GREB1L: variants seen among roughly 807,000 people sequenced by gnomAD.
GREB1L encodes the protein GREB1 like retinoic acid receptor coactivator, also known as GREB1-like protein.
A neutral mutation model predicts 200.8 loss-of-function variants in GREB1L; 17 were observed. That is an observed-to-expected ratio of 0.08 (90% confidence interval 0.06 to 0.13). The LOEUF (loss-of-function observed/expected upper bound fraction) is 0.13. Among genes scored for constraint, GREB1L ranks in the 10% least tolerant of loss-of-function variants. The pLI, the probability that GREB1L is intolerant of heterozygous loss-of-function variation, is 1.00. For missense variants in GREB1L, 1,657 were observed against 2,367.7 expected, an observed-to-expected ratio of 0.70 and a Z score of 6.23; for synonymous variants, 789 against 893.0, an observed-to-expected ratio of 0.88 and a Z score of 2.08.
chr18:21,483,445 A>C (rs539171628), intron 17 of GREB1L, among the ~76,000 whole-genome samples: 1 of 152,314 alleles, frequency 6.6e-6, no homozygotes, highest in African/African-American at 2.4e-5. Context: ...GAAGGAAATA[A>C]GCAAAGGCTT....
At chr18:21,244,102 G>A (rs2037555471) in intron 1 of GREB1L, among the ~76,000 whole-genome samples, 1 of 152,162 alleles carries the variant, frequency 6.6e-6, no homozygotes, top group Non-Finnish European at 1.5e-5. Context: ...GCCAAATGTG[G>A]ACAATTATTA....
chr18:21,307,746 C>G (rs555499687), intron 1 of GREB1L, among the ~76,000 whole-genome samples: 12 of 152,232 alleles, frequency 7.9e-5, no homozygotes, highest in African/African-American at 2.9e-4. Flanking sequence ...CAGCAGGAGA[C>G]TCGGGGGCGG....
At chr18:21,506,223 G>A (rs1369776706) in intron 25 of GREB1L, among the ~76,000 whole-genome samples, 3 of 152,122 alleles carry the variant, frequency 2.0e-5, no homozygotes, top group South Asian at 4.2e-4. Context: ...GTGAAACCCC[G>A]TCTCTACCAA....
intron 2 of GREB1L, among the ~76,000 whole-genome samples, chr18:21,375,764 T>C (rs1000148098): frequency 1.3e-5 from 2 of 152,162 alleles, no homozygotes; most frequent in African/African-American, 2.4e-5. Context: ...GCCTCAGTTA[T>C]CTTGAAAATG....
intron 1 of GREB1L, among the ~76,000 whole-genome samples, chr18:21,263,235 A>G (rs1436401114): frequency 6.6e-6 from 1 of 152,200 alleles, no homozygotes; most frequent in East Asian, 1.9e-4. Context: ...TCCATTGATG[A>G]CTTTGTGCTG....
At chr18:21,356,779 CA>C (rs1480516537) in intron 1 of GREB1L, among the ~76,000 whole-genome samples, 2 of 152,198 alleles carry the variant, frequency 1.3e-5, no homozygotes, top group African/African-American at 4.8e-5. Flanking sequence ...TACCAATTTA[CA>C]TTCTCACCAA....
intron 1 of GREB1L, among the ~76,000 whole-genome samples, chr18:21,290,923 A>T (rs1472003167): frequency 6.6e-6 from 1 of 151,996 alleles, no homozygotes; most frequent in Admixed American, 6.6e-5. Context: ...GTGAGCTGAC[A>T]TTAGTAGCTG....
intron 7 of GREB1L, among the ~76,000 whole-genome samples, chr18:21,425,761 T>C (rs920841165): frequency 6.6e-6 from 1 of 152,200 alleles, no homozygotes; most frequent in Non-Finnish European, 1.5e-5. Flanking sequence ...TTACAAGAGT[T>C]TTTAAAATAT....
At position 21,525,454 on chromosome 18, in the gene GREB1L, TTTG is replaced by T. The variant is rs2037669532; in HGVS notation, c.*2636_*2638del. 1 of 152,182 alleles carries T rather than the reference TTTG, an allele frequency of 6.6e-6. No homozygotes were observed. The highest frequency in any genetic ancestry group is 2.4e-5 in the African/African-American group (1 of 41,430). The allele number at this position is 152,182 out of a possible 1,614,324, so 9.4% of individuals were successfully genotyped here. A position where few individuals can be genotyped will look rare whatever the true frequency, so the allele number is the denominator to read the frequency against. ...TTTTTCTTTATAGTTTTCTGGCATGTTTGTTAAGAAAACAAGCTCCCTGACTCT... is the reference window on the plus strand; with the variant it reads ...TTTTTCTTTATAGTTTTCTGGCATGTTTAAGAAAACAAGCTCCCTGACTCT... On this transcript the variant is annotated 3_prime_UTR_variant, in exon 33 of 33. Coordinates refer to ENST00000424526, the MANE Select transcript of GREB1L (RefSeq NM_001142966.3).
chr18:21,516,875 GA>G, intron 30 of GREB1L, 121 bp downstream of exon 30: 1 of 693,594 alleles, frequency 1.4e-6, no homozygotes, highest in Non-Finnish European at 2.2e-6. Flanking sequence ...TAACACAAGG[GA>G]GTTTTTTTTT....
chr18:21,260,984 G>A (rs140426383), intron 1 of GREB1L, among the ~76,000 whole-genome samples: 1 of 151,996 alleles, frequency 6.6e-6, no homozygotes, highest in Non-Finnish European at 1.5e-5. Flanking sequence ...AAAGTTTCTA[G>A]TATGATACTG....
At chr18:21,488,130 C>T (rs745733293) in intron 18 of GREB1L, among the ~76,000 whole-genome samples, 4 of 152,000 alleles carry the variant, frequency 2.6e-5, no homozygotes, top group African/African-American at 4.8e-5. Flanking sequence ...CATGGAGAAA[C>T]CCTGTCTCTA....
At chr18:21,458,205 A>T (rs1417808225) in intron 15 of GREB1L, among the ~76,000 whole-genome samples, 1 of 152,054 alleles carries the variant, frequency 6.6e-6, no homozygotes, top group East Asian at 1.9e-4. Context: ...TTCCGACCTC[A>T]GGTGATCCAC....
intron 1 of GREB1L, among the ~76,000 whole-genome samples, chr18:21,293,502 C>G (rs1324583933): frequency 6.6e-6 from 1 of 152,204 alleles, no homozygotes; most frequent in Non-Finnish European, 1.5e-5. Flanking sequence ...AGGAGTTGGA[C>G]TTCTTAACCA....
At chr18:21,356,284 A>G (rs1226934429) in intron 1 of GREB1L, among the ~76,000 whole-genome samples, 3 of 151,958 alleles carry the variant, frequency 2.0e-5, no homozygotes, top group African/African-American at 7.3e-5. Flanking sequence ...CACCCAGCCT[A>G]TTCCTTCTAA....
chr18:21,279,047 A>AT (rs1466411600), intron 1 of GREB1L, among the ~76,000 whole-genome samples: 1 of 152,120 alleles, frequency 6.6e-6, no homozygotes, highest in Non-Finnish European at 1.5e-5. Context: ...TAAAAAAATC[A>AT]TTAAGACATT....
intron 17 of GREB1L, among the ~76,000 whole-genome samples, chr18:21,484,049 C>T (rs2036026525): frequency 6.6e-6 from 1 of 151,770 alleles, no homozygotes; most frequent in Non-Finnish European, 1.5e-5. Context: ...TGTGCAGCAG[C>T]TGCTGGCATG....
intron 7 of GREB1L, among the ~76,000 whole-genome samples, chr18:21,433,101 T>C (rs747586025): frequency 8.5e-5 from 13 of 152,260 alleles, no homozygotes; most frequent in Non-Finnish European, 1.6e-4. Flanking sequence ...ATAGTGATTA[T>C]TATTTAATCT....
chr18:21,495,911 G>A, intron 20 of GREB1L, 126 bp downstream of exon 20: 1 of 566,334 alleles, frequency 1.8e-6, no homozygotes, highest in Non-Finnish European at 3.1e-6. Flanking sequence ...GTTTAATGCA[G>A]GGATACAAGA....
Sources: gnomAD v4.1 joint callset for allele counts (sites outside exome capture counted in the v4.1 genomes callset) on GRCh38, gnomAD v4.1.1 for gene constraint, MANE v1.5 for transcripts, NCBI Gene and HGNC (gene_info 2026-07-23, HGNC 2026-07-21) for gene names.